Variants in PLCB1 observed in about 807,000 individuals in gnomAD.
The protein encoded by PLCB1 is 1-phosphatidylinositol 4,5-bisphosphate phosphodiesterase beta-1.
Under a neutral mutation model 161.8 loss-of-function variants are expected in PLCB1, and 46 were observed. The ratio of observed to expected loss-of-function variants is 0.28; its 90% CI spans 0.22 to 0.36. The LOEUF (loss-of-function observed/expected upper bound fraction) is 0.36. Among genes scored for constraint, PLCB1 ranks in the 10% least tolerant of loss-of-function variants. The probability of loss-of-function intolerance (pLI) is 1.00; values close to 1 mark genes in which losing one functional copy is unlikely to be tolerated. For synonymous variants in PLCB1, 517 were observed against 503.7 expected, an observed-to-expected ratio of 1.03 and a Z score of -0.35; for missense variants, 1,016 against 1,472.5, an observed-to-expected ratio of 0.69 and a Z score of 5.07.
In PLCB1 at chr20:8,774,733, A is replaced by G. The variant is rs1246449089; in HGVS notation, c.3111+14A>G. On this transcript the variant is annotated intron_variant, in intron 27 of 31. Coordinates refer to ENST00000338037, the MANE Select transcript of PLCB1 (RefSeq NM_015192.4). ...CATATTAAACTGGTGAGCCTGAGAA[A>G]CATGATTTATGTTTGTGCAACTGGA... 6.3e-7 allele frequency: 1 copy of G among 1,577,446 alleles called. No individual in the cohort carries two copies. Among genetic ancestry groups the G allele is most frequent in the Non-Finnish European group, 8.7e-7 (1 of 1,153,574 alleles).
At chr20:8,846,396 G>C (rs1013298363) in intron 31 of PLCB1, among the ~76,000 whole-genome samples, 21 of 152,018 alleles carry the variant, frequency 1.4e-4, no homozygotes, top group Non-Finnish European at 5.9e-5. Context: ...CCTATGGTTT[G>C]GGTTTTGGTA....
At chr20:8,572,015 A>G (rs1465055492) in intron 3 of PLCB1, among the ~76,000 whole-genome samples, 1 of 152,182 alleles carries the variant, frequency 6.6e-6, no homozygotes, top group Non-Finnish European at 1.5e-5. Flanking sequence ...TTACTATTTA[A>G]TGTCATTCTA....
At position 8,708,726 on chromosome 20, in the gene PLCB1, C is replaced by G; in HGVS notation, c.1224C>G (p.Leu408=). The change falls in exon 12 of 32, where the codon CTC becomes CTG. Residue 408 remains leucine (L), a synonymous_variant. Transcript: ENST00000338037. ...TTAAGACTTCACCTTTTCCAATTCT[C>G]CTTTCGTTTGAGAACCATGTGGATT... ...CAFKTSPFPI[L]LSFENHVDSP... 6.2e-7 allele frequency: 1 copy of G among 1,612,840 alleles called. No individual in the cohort carries two copies. Among genetic ancestry groups the G allele is most frequent in the South Asian group, 1.1e-5 (1 of 91,034 alleles).
intron 3 of PLCB1, among the ~76,000 whole-genome samples, chr20:8,451,595 C>T (rs1981077005): frequency 6.6e-6 from 1 of 152,128 alleles, no homozygotes; most frequent in Admixed American, 6.6e-5. Context: ...AGTGACCCAC[C>T]CACCTCGGCC....
intron 3 of PLCB1, among the ~76,000 whole-genome samples, chr20:8,536,274 GA>G (rs143194347): frequency 0.068 from 10,374 of 151,604 alleles, 428 homozygotes; most frequent in South Asian, 0.093. Flanking sequence ...TATACAAGAA[GA>G]AAAAAAAATT....
intron 2 of PLCB1, among the ~76,000 whole-genome samples, chr20:8,156,443 A>G (rs79519513): frequency 0.011 from 1,719 of 152,328 alleles, 12 homozygotes; most frequent in Non-Finnish European, 0.018. Flanking sequence ...CTTTTACTAG[A>G]ATCCTTATCT....
intron 2 of PLCB1, among the ~76,000 whole-genome samples, chr20:8,263,186 A>C (rs1981791287): frequency 6.6e-6 from 1 of 152,154 alleles, no homozygotes; most frequent in African/African-American, 2.4e-5. Flanking sequence ...ACCAAAAAAA[A>C]ATTGTGTCTG....
chr20:8,173,837 A>G (rs1045016577), intron 2 of PLCB1, among the ~76,000 whole-genome samples: 1 of 152,240 alleles, frequency 6.6e-6, no homozygotes, highest in Non-Finnish European at 1.5e-5. Flanking sequence ...ACTGAAAAAT[A>G]CAATGGCCAA....
At chr20:8,667,872 C>G (rs879939653) in intron 9 of PLCB1, among the ~76,000 whole-genome samples, 7 of 152,046 alleles carry the variant, frequency 4.6e-5, no homozygotes, top group Non-Finnish European at 8.8e-5. Context: ...GCTTCTTTCC[C>G]CCTAGATGTG....
At chr20:8,306,593 G>A (rs893735942) in intron 2 of PLCB1, among the ~76,000 whole-genome samples, 1 of 152,224 alleles carries the variant, frequency 6.6e-6, no homozygotes, top group African/African-American at 2.4e-5. Flanking sequence ...ATCAAGCGAA[G>A]TAATGTCTGT....
chr20:8,276,404 T>G (rs998733037), intron 2 of PLCB1, among the ~76,000 whole-genome samples: 1 of 152,218 alleles, frequency 6.6e-6, no homozygotes, highest in African/African-American at 2.4e-5. Flanking sequence ...AGAGTGCTGC[T>G]TGGGAAACCT....
At chr20:8,482,822 A>G (rs1982561775) in intron 3 of PLCB1, among the ~76,000 whole-genome samples, 1 of 152,210 alleles carries the variant, frequency 6.6e-6, no homozygotes. Context: ...AACACAATCA[A>G]AAAGTCACAG....
chr20:8,869,319 A>G (rs1452738210), intron 31 of PLCB1, among the ~76,000 whole-genome samples: 1 of 152,196 alleles, frequency 6.6e-6, no homozygotes, highest in Non-Finnish European at 1.5e-5. Context: ...GAGTCTTCCA[A>G]AAGAAAACAC....
At chr20:8,333,372 A>G (rs1985443673) in intron 2 of PLCB1, among the ~76,000 whole-genome samples, 3 of 152,212 alleles carry the variant, frequency 2.0e-5, no homozygotes. Context: ...CCAGGTGGGG[A>G]TTCCATGAAT....
chr20:8,571,832 G>T (rs1244697307), intron 3 of PLCB1, among the ~76,000 whole-genome samples: 1 of 152,180 alleles, frequency 6.6e-6, no homozygotes, highest in African/African-American at 2.4e-5. Flanking sequence ...AAAGCTCGGG[G>T]TGTCTGTTAG....
chr20:8,485,837 A>G (rs566988466), intron 3 of PLCB1, among the ~76,000 whole-genome samples: 24 of 152,310 alleles, frequency 1.6e-4, no homozygotes, highest in East Asian at 5.8e-4. Flanking sequence ...TGGGGTCTAC[A>G]GAGGTATGGA....
intron 1 of PLCB1, among the ~76,000 whole-genome samples, chr20:8,137,034 G>T (rs1439816399): frequency 6.6e-6 from 1 of 152,182 alleles, no homozygotes; most frequent in Non-Finnish European, 1.5e-5. Context: ...AGTTGTCTGA[G>T]AAGTCTGATG....
intron 11 of PLCB1, among the ~76,000 whole-genome samples, chr20:8,704,672 C>T (rs1600263310): frequency 6.6e-6 from 1 of 152,138 alleles, no homozygotes; most frequent in East Asian, 1.9e-4. Flanking sequence ...CAGCCACATC[C>T]AATTGTTTAC....
chr20:8,623,808 C>T (rs1005329961), intron 3 of PLCB1: 1 of 152,190 alleles, frequency 6.6e-6, no homozygotes, highest in Non-Finnish European at 1.5e-5. Context: ...GGTGTTTCCT[C>T]TATAAAGGCT....
Sources: allele counts gnomAD v4.1 joint callset (sites outside exome capture counted in the v4.1 genomes callset), GRCh38; gene constraint gnomAD v4.1.1; transcripts MANE v1.5; gene names NCBI Gene and HGNC (gene_info 2026-07-23, HGNC 2026-07-21).